Variants in PIK3R1 observed in about 807,000 individuals in gnomAD.
PIK3R1 encodes the protein phosphatidylinositol 3-kinase regulatory subunit alpha.
Under a neutral mutation model 98.0 loss-of-function variants are expected in PIK3R1, and 29 were observed. The ratio of observed to expected loss-of-function variants is 0.30; its 90% confidence interval spans 0.22 to 0.40. The LOEUF (loss-of-function observed/expected upper bound fraction) is 0.40. Ranked by LOEUF, PIK3R1 falls within the 10% of genes least tolerant of loss-of-function variation. The probability of loss-of-function intolerance (pLI) is 1.00; values close to 1 mark genes in which losing one functional copy is unlikely to be tolerated. For missense variants in PIK3R1, 596 were observed against 872.7 expected (o/e 0.68, Z 3.99); for synonymous variants, 282 against 311.8 (o/e 0.90, Z 1.01).
Position 68,300,607 on chromosome 5 carries a change from C to T in PIK3R1, c.*3006C>T, listed in dbSNP as rs1005115877. The T allele has an allele frequency of 4.3e-6, 1 of 233,302 alleles. No individual in the cohort carries two copies. Among genetic ancestry groups the T allele is most frequent in the African/African-American group, 2.2e-5 (1 of 45,484 alleles). 14.5% of individuals were successfully genotyped at this position (233,302 alleles called of 1,614,324 possible). On this transcript the variant is annotated 3_prime_UTR_variant, in exon 16 of 16. Transcript: ENST00000521381. ...ATGTGTTTGCAACATCTGATAACTT[C>T]ATGGCCTTTGATAAATGTATATATG... is the stretch of plus-strand genomic sequence containing the variant.
rs1276906396 is a variant in PIK3R1, at chr5:68,298,777, T to C, written c.*1176T>C. On this transcript the variant is annotated 3_prime_UTR_variant, in exon 16 of 16. Coordinates refer to ENST00000521381, the MANE Select transcript of PIK3R1 (RefSeq NM_181523.3). ...AAGATATATGAATATGACAAAGTAT[T>C]GCTGAGTCCAACAATGTTGTTTTAA... 2 of 233,378 alleles carry C rather than the reference T, an allele frequency of 8.6e-6. No homozygotes were observed. The highest frequency in any genetic ancestry group is 1.7e-5 in the Non-Finnish European group (2 of 117,966). The allele number at this position is 233,378 out of a possible 1,614,324, so 14.5% of individuals were successfully genotyped here. A position where few individuals can be genotyped will look rare whatever the true frequency, so the allele number is the denominator to read the frequency against.
chr5:68,219,754 A>G (rs1478791656), intron 1 of PIK3R1, among the ~76,000 whole-genome samples: 1 of 152,270 alleles, frequency 6.6e-6, no homozygotes, highest in African/African-American at 2.4e-5. Flanking sequence ...TTAAGAGGCA[A>G]TGCAGAAGAA....
intron 2 of PIK3R1, among the ~76,000 whole-genome samples, chr5:68,236,610 T>C (rs1056225482): frequency 1.3e-5 from 2 of 152,200 alleles, no homozygotes; most frequent in African/African-American, 4.8e-5. Context: ...ATTTAAAAAG[T>C]GATCATATTA....
At chr5:68,286,146 T>A (rs1430902177) in intron 7 of PIK3R1, among the ~76,000 whole-genome samples, 1 of 152,194 alleles carries the variant, frequency 6.6e-6, no homozygotes, top group Non-Finnish European at 1.5e-5. Flanking sequence ...CCTAACTATA[T>A]CTGCTGAGAA....
At chr5:68,229,213 A>G (rs553190477) in intron 2 of PIK3R1, among the ~76,000 whole-genome samples, 2 of 152,296 alleles carry the variant, frequency 1.3e-5, no homozygotes, top group South Asian at 2.1e-4. Flanking sequence ...AAATATTCCT[A>G]TGAAGCGAGA....
Position 68,280,601 on chromosome 5 carries a change from T to C in PIK3R1, c.708T>C (p.Tyr236=). Residue 236 remains tyrosine (Y), a synonymous_variant, in exon 6 of 16, where the codon TAT becomes TAC. Transcript: ENST00000521381. ...GGTCGCCTAGCATACCTCATCAGTA[T>C]TGGCTTACGCTTCAGTATTTGTTAA... ...LIRSPSIPHQ[Y]WLTLQYLLKH... 17 of 1,613,716 alleles carry C rather than the reference T, an allele frequency of 1.1e-5. No homozygotes were observed. The highest frequency in any genetic ancestry group is 1.4e-5 in the Non-Finnish European group (17 of 1,179,632).
intron 2 of PIK3R1, among the ~76,000 whole-genome samples, chr5:68,244,413 C>G (rs1445685677): frequency 1.4e-5 from 2 of 145,536 alleles, no homozygotes; most frequent in African/African-American, 5.1e-5. Context: ...CTCAGTGGTC[C>G]TTGTGAAAAC....
At chr5:68,292,179 T>A in intron 7 of PIK3R1, 80 bp from the exon 8 acceptor site, 1 of 804,520 alleles carries the variant, frequency 1.2e-6, no homozygotes, top group Non-Finnish European at 2.0e-6. Flanking sequence ...TTTATTTTTT[T>A]AAAGTAAAAG....
At chr5:68,246,158 C>T (rs1367649071) in intron 2 of PIK3R1, among the ~76,000 whole-genome samples, 1 of 152,120 alleles carries the variant, frequency 6.6e-6, no homozygotes, top group East Asian at 1.9e-4. Context: ...CATTACCGTA[C>T]AAGTTTGGTT....
chr5:68,263,261 T>C (rs1745982984), intron 2 of PIK3R1, among the ~76,000 whole-genome samples: 1 of 148,100 alleles, frequency 6.8e-6, no homozygotes. Flanking sequence ...ATATTCTACA[T>C]TTTAGTTCTG....
At chr5:68,246,364 G>A (rs2112046193) in intron 2 of PIK3R1, among the ~76,000 whole-genome samples, 1 of 148,506 alleles carries the variant, frequency 6.7e-6, no homozygotes, top group Non-Finnish European at 1.5e-5. Flanking sequence ...CCAAGCCGCA[G>A]TGCAGTGGCG....
Position 68,298,608 on chromosome 5 carries a change from A to C in PIK3R1, c.*1007A>C, listed in dbSNP as rs1473978716. ...ATGGCTTCAGAATTAAAACTATGAA[A>C]TATTTTACAGTTTTTCTTGTACAGA... On this transcript the variant is annotated 3_prime_UTR_variant, in exon 16 of 16. Coordinates refer to ENST00000521381, the MANE Select transcript of PIK3R1 (RefSeq NM_181523.3). The C allele has an allele frequency of 2.1e-5, 5 of 233,192 alleles. No homozygotes were observed. Among genetic ancestry groups the C allele is most frequent in the South Asian group, 1.8e-4 (1 of 5,528 alleles). 14.4% of individuals were successfully genotyped at this position (233,192 alleles called of 1,614,324 possible). A position where few individuals can be genotyped will look rare whatever the true frequency, so the allele number is the denominator to read the frequency against.
chr5:68,215,895 C>T lies in PIK3R1; in HGVS notation c.-441C>T. 6.6e-6 allele frequency: 1 copy of T among 151,572 alleles called. No homozygotes were observed. Among genetic ancestry groups the T allele is most frequent in the Non-Finnish European group, 1.5e-5 (1 of 67,782 alleles). The allele number at this position is 151,572 out of a possible 1,614,324, so 9.4% of individuals were successfully genotyped here. A position where few individuals can be genotyped will look rare whatever the true frequency, so the allele number is the denominator to read the frequency against. On this transcript the variant is annotated 5_prime_UTR_variant, in exon 1 of 16. Transcript: ENST00000521381. ...TGGAGGCCGGTCGGAACCGAGCGGGCAGGAGGCCACCGCTGCAGCGCGGGC... is the reference window on the plus strand; with the variant it reads ...TGGAGGCCGGTCGGAACCGAGCGGGTAGGAGGCCACCGCTGCAGCGCGGGC...
At chr5:68,239,771 G>A (rs2112017242) in intron 2 of PIK3R1, 2 of 447,176 alleles carry the variant, frequency 4.5e-6, no homozygotes, top group South Asian at 1.8e-5. Flanking sequence ...TGACTCCCTG[G>A]CTTGCCAGTG....
chr5:68,278,242 T>G (rs1161722257), intron 4 of PIK3R1, among the ~76,000 whole-genome samples: 2 of 152,120 alleles, frequency 1.3e-5, no homozygotes, highest in Non-Finnish European at 2.9e-5. Flanking sequence ...ACAGGTATGC[T>G]CATCTTATTT....
rs77602970 is a variant in PIK3R1, at chr5:68,254,341, G to A, written c.335-19049G>A. 6.3e-3 allele frequency among the ~76,000 whole-genome samples: 955 copies of A among 152,272 alleles called. 7 individuals carry two copies. The highest frequency in any genetic ancestry group is 0.021 in the African/African-American group (865 of 41,560). On this transcript the variant is annotated intron_variant, in intron 2 of 15. Transcript: ENST00000521381. ...TAGTATGGAAAATTGGAAGTTTACT[G>A]AAAAGAGTTTCGAATCATGGGATTT... is the stretch of plus-strand genomic sequence containing the variant.
rs2112262898 is a variant in PIK3R1, at chr5:68,293,745, G to T, written c.1336G>T (p.Gly446Trp). 6.6e-7 allele frequency: 1 copy of T among 1,510,904 alleles called. No individual in the cohort carries two copies. Among genetic ancestry groups the T allele is most frequent in the South Asian group, 1.2e-5 (1 of 83,958 alleles). The allele number at this position is 1,510,904 out of a possible 1,614,324, so 93.6% of individuals were successfully genotyped here. A position where few individuals can be genotyped will look rare whatever the true frequency, so the allele number is the denominator to read the frequency against. ...CAAAGAAGATAATATTGAAGCTGTA[G>T]GGAAAAAATTACATGAATATAACAC... ...VVKEDNIEAV[G>W]KKLHEYNTQF... Residue 446 changes from glycine (G) to tryptophan (W), a missense_variant, in exon 11 of 16, where the codon GGG becomes TGG. Coordinates refer to ENST00000521381, the MANE Select transcript of PIK3R1 (RefSeq NM_181523.3).
intron 7 of PIK3R1, chr5:68,288,561 G>T (rs1747194562): frequency 2.0e-6 from 3 of 1,509,142 alleles, no homozygotes; most frequent in Non-Finnish European, 8.8e-7. Context: ...ACGCCCGGAG[G>T]GTCCTGGCGG....
At chr5:68,274,160 TG>T in intron 4 of PIK3R1, 147 bp downstream of exon 4, 1 of 709,994 alleles carries the variant, frequency 1.4e-6, no homozygotes, top group Non-Finnish European at 2.5e-6. Context: ...CTCCCTGCCC[TG>T]TTATGGTAAC....
Sources: gnomAD v4.1 joint callset for allele counts (sites outside exome capture counted in the v4.1 genomes callset) on GRCh38, gnomAD v4.1.1 for gene constraint, MANE v1.5 for transcripts, NCBI Gene and HGNC (gene_info 2026-07-23, HGNC 2026-07-21) for gene names.